The following MED28 variants were observed in gnomAD, a reference collection of about 807,000 sequenced individuals.
The protein encoded by MED28 is mediator complex subunit 28, also known as mediator of RNA polymerase II transcription subunit 28.
MED28 carries 26 observed loss-of-function variants against 21.3 expected under a neutral mutation model. The ratio of observed to expected loss-of-function variants is 1.22; its 90% CI spans 0.89 to 1.69. The LOEUF is 1.69. MED28 is among the 40% of genes most tolerant of loss of function. MED28 has a pLI of 0.00. For synonymous variants in MED28, 110 were observed against 87.6 expected (o/e 1.26, Z -1.43); for missense variants, 257 against 215.4 (o/e 1.19, Z -1.21).
rs1305580386 is a variant in MED28, at chr4:17,628,897, GAAGAT to G, written c.*5104_*5108del. 1.3e-5 allele frequency: 2 copies of G among 152,310 alleles called. No homozygotes were observed. Among genetic ancestry groups the G allele is most frequent in the African/African-American group, 4.8e-5 (2 of 41,450 alleles). 9.4% of individuals were successfully genotyped at this position (152,310 alleles called of 1,614,324 possible). On this transcript the variant is annotated 3_prime_UTR_variant, in exon 4 of 4. Coordinates refer to ENST00000237380, the MANE Select transcript of MED28 (RefSeq NM_025205.5). The stretch of plus-strand genomic sequence containing the variant: ...GGGGAATGGGAGGAGTCAAACTGTG[GAAGAT>G]AAGAGGAGTACTGCACACAAGGACA...
At position 17,628,386 on chromosome 4, in the gene MED28, G is replaced by A. The variant is rs941148594; in HGVS notation, c.*4588G>A. ...CAATTATACCTTTATCCCTACTCTA[G>A]TCCACCTTCCTATAAATAAGATGTA... On this transcript the variant is annotated 3_prime_UTR_variant, in exon 4 of 4. Coordinates refer to ENST00000237380, the MANE Select transcript of MED28 (RefSeq NM_025205.5). The A allele has an allele frequency of 6.6e-6, 1 of 151,256 alleles. No individual in the cohort carries two copies. The highest frequency in any genetic ancestry group is 6.6e-5 in the Admixed American group (1 of 15,102). The allele number at this position is 151,256 out of a possible 1,614,324, so 9.4% of individuals were successfully genotyped here. A position where few individuals can be genotyped will look rare whatever the true frequency, so the allele number is the denominator to read the frequency against.
rs1715041831 is a variant in MED28, at chr4:17,633,892, T to TG, written c.*10094_*10095insG. The TG allele has an allele frequency of 6.5e-7, 1 of 1,544,000 alleles. No individual in the cohort carries two copies. Among genetic ancestry groups the TG allele is most frequent in the Admixed American group, 2.0e-5 (1 of 49,712 alleles). ...GCACGTCCTCCACCTTCTTTTTCTG[T>TG]TTGTATTAATGGACAGGTTAGTGCA... On this transcript the variant is annotated 3_prime_UTR_variant, in exon 4 of 4. Coordinates refer to ENST00000237380, the MANE Select transcript of MED28 (RefSeq NM_025205.5).
chr4:17,620,027 A>G (rs370482618), intron 2 of MED28, 60 bp downstream of exon 2: 19 of 1,426,834 alleles, frequency 1.3e-5, no homozygotes, highest in Non-Finnish European at 1.7e-5. Flanking sequence ...CTAGTTGCTA[A>G]TTTTATACTT....
intron 3 of MED28, among the ~76,000 whole-genome samples, chr4:17,622,102 C>T (rs969710459): frequency 3.3e-5 from 5 of 152,310 alleles, no homozygotes; most frequent in Non-Finnish European, 5.9e-5. Context: ...AAGTAGTGTT[C>T]GACCCAGGTT....
At position 17,623,582 on chromosome 4, in the gene MED28, C is replaced by CCTAA; in HGVS notation, c.340-18_340-17insTAAC. The CCTAA allele has an allele frequency of 6.2e-7, 1 of 1,611,832 alleles. No individual in the cohort carries two copies. Among genetic ancestry groups the CCTAA allele is most frequent in the Non-Finnish European group, 8.5e-7 (1 of 1,178,520 alleles). The stretch of plus-strand genomic sequence containing the variant: ...TTTCCTGCATTTGCTCTGACTTAGT[C>CCTAA]CATGACTTTCATCTGCAGGATGTGT... On this transcript the variant is annotated intron_variant, in intron 3 of 3. Transcript: ENST00000237380.
At chr4:17,616,897 G>A (rs1243270368) in intron 1 of MED28, among the ~76,000 whole-genome samples, 1 of 152,184 alleles carries the variant, frequency 6.6e-6, no homozygotes, top group Non-Finnish European at 1.5e-5. Flanking sequence ...TCACATATAT[G>A]TCTGTAGGTG....
intron 3 of MED28, among the ~76,000 whole-genome samples, chr4:17,623,357 C>T (rs964408334): frequency 7.8e-5 from 11 of 141,620 alleles, no homozygotes; most frequent in African/African-American, 2.9e-4. Context: ...GCCGAGACCG[C>T]ACCACTGCAC....
chr4:17,620,906 C>T (rs1714607881), intron 2 of MED28, among the ~76,000 whole-genome samples: 1 of 151,530 alleles, frequency 6.6e-6, no homozygotes, highest in African/African-American at 2.4e-5. Context: ...TGGGATCTTG[C>T]TGTATTGCCC....
In MED28 at chr4:17,633,879, CCTT is replaced by C. The variant is rs1560162314; in HGVS notation, c.*10085_*10087del. ...ACCACGCGGCTGGGCACGTCCTCCA[CCTT>C]CTTTTTCTGTTTGTATTAATGGACA... is the stretch of plus-strand genomic sequence containing the variant. On this transcript the variant is annotated 3_prime_UTR_variant, in exon 4 of 4. Transcript: ENST00000237380. 13 of 1,547,768 alleles carry C rather than the reference CCTT, an allele frequency of 8.4e-6. No individual in the cohort carries two copies. The highest frequency in any genetic ancestry group is 6.0e-5 in the South Asian group (5 of 83,606).
At chr4:17,621,550 TTTC>T in intron 2 of MED28, 34 bp from the exon 3 acceptor site, 2 of 1,398,928 alleles carry the variant, frequency 1.4e-6, no homozygotes, top group Middle Eastern at 2.2e-4. Flanking sequence ...GTCTGTTGTT[TTTC>T]TTATTTTAAT....
rs1714697843 is a variant in MED28 at position 17,623,713 on chromosome 4, A to G, written c.452A>G (p.Lys151Arg). 3 of 1,614,080 alleles carry G rather than the reference A, an allele frequency of 1.9e-6. No individual in the cohort carries two copies. Among genetic ancestry groups the G allele is most frequent in the Admixed American group, 3.3e-5 (2 of 60,004 alleles). ...QVLEDINVQH[K>R]KPADIPQGSL... ...CTGGAGGACATCAACGTGCAGCACA[A>G]AAAGCCCGCCGACATCCCTCAGGGC... The change falls in exon 4 of 4, where the codon AAA (lysine) becomes AGA (arginine). Residue 151 changes from lysine to arginine, a missense_variant. By Grantham distance (26) the Lys-to-Arg change is conservative. Transcript: ENST00000237380.
chr4:17,620,461 G>A lies in MED28; in HGVS notation c.226+494G>A, dbSNP rs568561029. Among the ~76,000 whole-genome samples, 264 of 151,136 alleles carry A rather than the reference G, an allele frequency of 1.7e-3. 1 individual carries two copies. Among genetic ancestry groups the A allele is most frequent in the African/African-American group, 6.0e-3 (246 of 41,184 alleles). Reference sequence around the variant, plus strand: ...CAGTTCTCTTGTCTCAGCCTCCCGCGTAGATGGAACTACAGGCATGCACTA... The same window carrying A: ...CAGTTCTCTTGTCTCAGCCTCCCGCATAGATGGAACTACAGGCATGCACTA... On this transcript the variant is annotated intron_variant, in intron 2 of 3. Transcript: ENST00000237380.
chr4:17,623,505 T>G (rs1714691354), intron 3 of MED28, 96 bp from the exon 4 acceptor site: 1 of 1,184,760 alleles, frequency 8.4e-7, no homozygotes, highest in Non-Finnish European at 1.2e-6. Flanking sequence ...GTTTAATGGA[T>G]TCTCTTTGTT....
At position 17,633,603 on chromosome 4, in the gene MED28, G is replaced by T; in HGVS notation, c.*9805G>T. 1.6e-6 allele frequency: 2 copies of T among 1,213,558 alleles called. No homozygotes were observed. The highest frequency in any genetic ancestry group is 2.2e-6 in the Non-Finnish European group (2 of 921,090). 75.2% of individuals were successfully genotyped at this position (1,213,558 alleles called of 1,614,324 possible). A position where few individuals can be genotyped will look rare whatever the true frequency, so the allele number is the denominator to read the frequency against. ...CATGAAAAAAGGCCTTCTGGAATTT[G>T]GTACCAGGTGCTAGAAAGAATCCTA... On this transcript the variant is annotated 3_prime_UTR_variant, in exon 4 of 4. Transcript: ENST00000237380.
intron 1 of MED28, among the ~76,000 whole-genome samples, chr4:17,619,531 G>A (rs915134647): frequency 6.6e-6 from 1 of 152,166 alleles, no homozygotes; most frequent in Non-Finnish European, 1.5e-5. Context: ...CTGTCTCTGA[G>A]GGGGAGAAGA....
chr4:17,619,718 CTAAT>C (rs923792325), intron 1 of MED28, among the ~76,000 whole-genome samples, 179 bp from the exon 2 acceptor site: 1 of 152,132 alleles, frequency 6.6e-6, no homozygotes, highest in African/African-American at 2.4e-5. Context: ...CTCCATGGGC[CTAAT>C]TAATTGGTAA....
At chr4:17,614,882 C>A in intron 1 of MED28, 69 bp downstream of exon 1, 1 of 1,498,030 alleles carries the variant, frequency 6.7e-7, no homozygotes, top group Non-Finnish European at 9.0e-7. Context: ...TGCGCGTACG[C>A]GTATCTCCTC....
chr4:17,624,867 TGTTGAGTTGCTGTTAA>T lies in MED28; in HGVS notation c.*1071_*1086del, dbSNP rs1382593664. 3 of 152,172 alleles carry T rather than the reference TGTTGAGTTGCTGTTAA, an allele frequency of 2.0e-5. No individual in the cohort carries two copies. Among genetic ancestry groups the T allele is most frequent in the Non-Finnish European group, 4.4e-5 (3 of 68,038 alleles). 9.4% of individuals were successfully genotyped at this position (152,172 alleles called of 1,614,324 possible). On this transcript the variant is annotated 3_prime_UTR_variant, in exon 4 of 4. Coordinates refer to ENST00000237380, the MANE Select transcript of MED28 (RefSeq NM_025205.5). ...GTTTTGTGGGCAGCCTCAGATTCCCTGTTGAGTTGCTGTTAAGAAATGGAGATTTCTGGCTCTCATT... is the reference window on the plus strand; with the variant it reads ...GTTTTGTGGGCAGCCTCAGATTCCCTGAAATGGAGATTTCTGGCTCTCATT...
rs1372014449 is a variant in MED28, at chr4:17,624,593, G to A, written c.*795G>A. 3.3e-5 allele frequency: 5 copies of A among 152,318 alleles called. No individual in the cohort carries two copies. Among genetic ancestry groups the A allele is most frequent in the African/African-American group, 1.2e-4 (5 of 41,570 alleles). The allele number at this position is 152,318 out of a possible 1,614,324, so 9.4% of individuals were successfully genotyped here. Reference sequence around the variant, plus strand: ...ATGACAGTGGGGTCATAGGTGAGCTGTGAGGGGCTAAATCTTGCTCTGATT... The same window carrying A: ...ATGACAGTGGGGTCATAGGTGAGCTATGAGGGGCTAAATCTTGCTCTGATT... On this transcript the variant is annotated 3_prime_UTR_variant, in exon 4 of 4. Coordinates refer to ENST00000237380, the MANE Select transcript of MED28 (RefSeq NM_025205.5).
Sources: gnomAD v4.1 joint callset for allele counts (sites outside exome capture counted in the v4.1 genomes callset) on GRCh38, gnomAD v4.1.1 for gene constraint, MANE v1.5 for transcripts, NCBI Gene and HGNC (gene_info 2026-07-23, HGNC 2026-07-21) for gene names.